The following RASAL2 variants were observed in gnomAD, a reference collection of about 807,000 sequenced individuals.
RASAL2 encodes the protein RAS protein activator like 2, also known as ras GTPase-activating protein nGAP.
Under a neutral mutation model 128.9 loss-of-function variants are expected in RASAL2, and 58 were observed. The observed-to-expected ratio is 0.45, with a 90% CI of 0.36 to 0.56. RASAL2 has a LOEUF of 0.56. Ranked by LOEUF, RASAL2 falls within the 20% of genes least tolerant of loss-of-function variation. RASAL2 has a pLI of 0.00. For missense variants in RASAL2, 1,360 were observed against 1,601.6 expected, an observed-to-expected ratio of 0.85 and a Z score of 2.57; for synonymous variants, 561 against 580.8, an observed-to-expected ratio of 0.97 and a Z score of 0.49.
At chr1:178,326,216 C>T (rs1669033308) in intron 3 of RASAL2, among the ~76,000 whole-genome samples, 1 of 152,058 alleles carries the variant, frequency 6.6e-6, no homozygotes, top group Non-Finnish European at 1.5e-5. Flanking sequence ...ATGTAAAAGG[C>T]TGGATTATAT....
chr1:178,447,680 A>AAG, intron 9 of RASAL2, among the ~76,000 whole-genome samples: 1 of 111,940 alleles, frequency 8.9e-6, no homozygotes, highest in South Asian at 2.8e-4. Flanking sequence ...TCTTAAAAAA[A>AAG]AAAAAAAAAA....
intron 1 of RASAL2, among the ~76,000 whole-genome samples, chr1:178,234,497 A>G (rs1664144231): frequency 1.3e-5 from 2 of 152,234 alleles, no homozygotes; most frequent in Non-Finnish European, 2.9e-5. Flanking sequence ...TCAAATTTTT[A>G]AAAATCTTAT....
intron 3 of RASAL2, among the ~76,000 whole-genome samples, chr1:178,365,540 A>C (rs12045269): frequency 0.23 from 34,186 of 151,760 alleles, 6,741 homozygotes; most frequent in African/African-American, 0.54. Context: ...GACATGATCT[A>C]GGCTCACTGC....
intron 1 of RASAL2, among the ~76,000 whole-genome samples, chr1:178,247,229 T>C (rs550508535): frequency 3.9e-5 from 6 of 152,330 alleles, no homozygotes; most frequent in Non-Finnish European, 7.4e-5. Context: ...TATTAATTAC[T>C]GCCTCAGTTT....
rs181271768 is a variant in RASAL2, at chr1:178,429,795, C to T, written c.674+9175C>T. Among the ~76,000 whole-genome samples, 6 of 152,174 alleles carry T rather than the reference C, an allele frequency of 3.9e-5. No homozygotes were observed. In the East Asian group the frequency reaches 1.2e-3, roughly 30 times the overall value. On this transcript the variant is annotated intron_variant, in intron 5 of 17. Transcript: ENST00000367649. Reference sequence around the variant, plus strand: ...TCTCTGCTTTTGATCTTACTGTCTCCTCTAACCCAAATGCCATTTCCTTTT... The same window carrying T: ...TCTCTGCTTTTGATCTTACTGTCTCTTCTAACCCAAATGCCATTTCCTTTT...
chr1:178,253,789 T>C (rs148630568), intron 1 of RASAL2, among the ~76,000 whole-genome samples: 1 of 152,290 alleles, frequency 6.6e-6, no homozygotes, highest in East Asian at 1.9e-4. Context: ...CCATTTTCAC[T>C]TCTTTTATGG....
intron 1 of RASAL2, among the ~76,000 whole-genome samples, chr1:178,228,059 T>C (rs1663857407): frequency 6.6e-6 from 1 of 152,226 alleles, no homozygotes; most frequent in Admixed American, 6.5e-5. Flanking sequence ...ACGTGAGTGA[T>C]ATTAGGCTTT....
At position 178,358,237 on chromosome 1, in the gene RASAL2, TAAAAAAAAAAAAAAAA is replaced by T. The variant is rs71567191; in HGVS notation, c.458-31849_458-31834del. On this transcript the variant is annotated intron_variant, in intron 3 of 17. Transcript: ENST00000367649. ...CGTGACAGAGTGAGACTCTGTCTCC[TAAAAAAAAAAAAAAAA>T]AAAAAAAAAAAAAGGAAAGGAAACA... Among the ~76,000 whole-genome samples, 8 of 34,772 alleles carry T rather than the reference TAAAAAAAAAAAAAAAA, an allele frequency of 2.3e-4. No homozygotes were observed. In the East Asian group the frequency reaches 4.7e-3, roughly 21 times the overall value. 22.8% of individuals were successfully genotyped at this position (34,772 alleles called of 152,430 possible).
intron 1 of RASAL2, among the ~76,000 whole-genome samples, chr1:178,176,637 GGAGA>G (rs71567183): frequency 2.0e-5 from 3 of 148,828 alleles, no homozygotes; most frequent in Non-Finnish European, 3.0e-5. Context: ...TGAGAAAGAG[GGAGA>G]GAGAGAGAGA....
chr1:178,397,850 A>G (rs558845256), intron 4 of RASAL2, among the ~76,000 whole-genome samples: 57 of 151,708 alleles, frequency 3.8e-4, no homozygotes, highest in Middle Eastern at 3.4e-3. Context: ...TCCTGGGCTC[A>G]AGCAGTCATC....
At chr1:178,169,045 G>T (rs1409163649) in intron 1 of RASAL2, among the ~76,000 whole-genome samples, 1 of 151,996 alleles carries the variant, frequency 6.6e-6, no homozygotes, top group Non-Finnish European at 1.5e-5. Flanking sequence ...AGTATTTATT[G>T]TGTGAGAGCA....
At chr1:178,096,223 T>C (rs1290925780) in intron 1 of RASAL2, among the ~76,000 whole-genome samples, 1 of 152,190 alleles carries the variant, frequency 6.6e-6, no homozygotes, top group Non-Finnish European at 1.5e-5. Context: ...TTCTATCATC[T>C]TTCTCTCCTT....
rs552197520 is a variant in RASAL2 at position 178,350,870 on chromosome 1, A to G, written c.458-39230A>G. Among the ~76,000 whole-genome samples, 4 of 152,306 alleles carry G rather than the reference A, an allele frequency of 2.6e-5. No homozygotes were observed. The East Asian group carries it at 5.8e-4, about 22-fold the overall frequency. ...ATTAGTTCATTCTTGCATTGCTACAAAGAAATACCTGAGACTGGGTAATTT... is the reference window on the plus strand; with the variant it reads ...ATTAGTTCATTCTTGCATTGCTACAGAGAAATACCTGAGACTGGGTAATTT... On this transcript the variant is annotated intron_variant, in intron 3 of 17. Coordinates refer to ENST00000367649, the MANE Select transcript of RASAL2 (RefSeq NM_170692.4).
chr1:178,320,997 A>AT (rs1244186127), intron 3 of RASAL2, among the ~76,000 whole-genome samples: 4 of 152,318 alleles, frequency 2.6e-5, no homozygotes, highest in East Asian at 1.9e-4. Context: ...TTTTTAGCAG[A>AT]TTGTGAAAGT....
At position 178,473,207 on chromosome 1, in the gene RASAL2, G is replaced by A; in HGVS notation, c.3811G>A (p.Glu1271Lys). Residue 1271 changes from glutamate to lysine, a missense_variant, in exon 18 of 18, where the codon GAG becomes AAG. Glu to Lys is a moderately conservative substitution (Grantham distance 56). This residue lies in a region of RASAL2 where 741 missense variants were observed against 868.6 expected (regional missense o/e 0.85). Transcript: ENST00000367649. ...PTNPTKLSIT[E>K]NGEFKNSSC ...CAACCCCACCAAGCTTTCCATCACG[G>A]AGAATGGTGAATTCAAAAACAGCAG... The A allele has an allele frequency of 6.2e-7, 1 of 1,614,180 alleles. No individual in the cohort carries two copies. Among genetic ancestry groups the A allele is most frequent in the Non-Finnish European group, 8.5e-7 (1 of 1,180,032 alleles).
At chr1:178,209,928 CTA>C (rs1663195229) in intron 1 of RASAL2, among the ~76,000 whole-genome samples, 1 of 151,902 alleles carries the variant, frequency 6.6e-6, no homozygotes. Flanking sequence ...CTTCTTGAAA[CTA>C]TGGATTGATA....
chr1:178,408,356 A>C (rs1674121372), intron 4 of RASAL2, among the ~76,000 whole-genome samples: 1 of 152,194 alleles, frequency 6.6e-6, no homozygotes, highest in Admixed American at 6.5e-5. Flanking sequence ...GGATATCATA[A>C]CTGTGAAAGA....
At chr1:178,399,556 A>G (rs544037401) in intron 4 of RASAL2, among the ~76,000 whole-genome samples, 45 of 152,248 alleles carry the variant, frequency 3.0e-4, no homozygotes, top group African/African-American at 1.1e-3. Context: ...CTGCTGAGTC[A>G]TAGTCTGGGG....
chr1:178,158,924 A>C (rs1193117983), intron 1 of RASAL2, among the ~76,000 whole-genome samples: 1 of 152,178 alleles, frequency 6.6e-6, no homozygotes, highest in East Asian at 1.9e-4. Context: ...GCAAATATTA[A>C]AGTATTGTGA....
Sources: allele counts gnomAD v4.1 joint callset (sites outside exome capture counted in the v4.1 genomes callset), GRCh38; gene constraint gnomAD v4.1.1; regional missense constraint gnomAD v4.1.1; transcripts MANE v1.5; gene names NCBI Gene and HGNC (gene_info 2026-07-23, HGNC 2026-07-21).